The following HCN1 variants were observed in gnomAD, a reference collection of about 807,000 sequenced individuals.
HCN1 encodes the protein potassium/sodium hyperpolarization-activated cyclic nucleotide-gated channel 1.
A neutral mutation model predicts 78.9 loss-of-function variants in HCN1; 13 were observed. The ratio of observed to expected loss-of-function variants is 0.16; its 90% CI spans 0.11 to 0.26. The LOEUF (loss-of-function observed/expected upper bound fraction) is 0.26. HCN1 is among the 10% of genes least tolerant of loss of function. The pLI, the probability that HCN1 is intolerant of heterozygous loss-of-function variation, is 1.00. For synonymous variants in HCN1, 552 were observed against 455.5 expected (o/e 1.21, Z -2.70); for missense variants, 810 against 1,154.3 (o/e 0.70, Z 4.32).
At chr5:45,590,454 T>C (rs953038112) in intron 2 of HCN1, among the ~76,000 whole-genome samples, 1 of 152,210 alleles carries the variant, frequency 6.6e-6, no homozygotes. Context: ...ATTTCATAGA[T>C]TGTGGCTTTG....
At chr5:45,316,650 T>C (rs1401281798) in intron 5 of HCN1, among the ~76,000 whole-genome samples, 1 of 152,178 alleles carries the variant, frequency 6.6e-6, no homozygotes, top group Admixed American at 6.5e-5. Flanking sequence ...GACATGACTG[T>C]ATATTTAGAA....
intron 2 of HCN1, among the ~76,000 whole-genome samples, chr5:45,564,310 G>A (rs1156690148): frequency 6.6e-6 from 1 of 151,678 alleles, no homozygotes; most frequent in African/African-American, 2.4e-5. Context: ...ACCCAGGTTG[G>A]AGTGCAGTGG....
At chr5:45,473,508 T>G (rs1741449619) in intron 2 of HCN1, among the ~76,000 whole-genome samples, 1 of 151,852 alleles carries the variant, frequency 6.6e-6, no homozygotes, top group Admixed American at 6.6e-5. Flanking sequence ...TGGTGCATGA[T>G]GTGTCTCTTT....
chr5:45,570,600 C>T (rs759722231), intron 2 of HCN1, among the ~76,000 whole-genome samples: 1 of 152,100 alleles, frequency 6.6e-6, no homozygotes, highest in Non-Finnish European at 1.5e-5. Flanking sequence ...AAACATTACT[C>T]AGATCATTTG....
chr5:45,394,364 C>A (rs1739643284), intron 4 of HCN1, among the ~76,000 whole-genome samples: 2 of 151,788 alleles, frequency 1.3e-5, no homozygotes, highest in African/African-American at 4.8e-5. Context: ...GGGTCCTGCC[C>A]AAGAGTGCCT....
At chr5:45,546,442 G>A (rs1743230218) in intron 2 of HCN1, among the ~76,000 whole-genome samples, 1 of 151,520 alleles carries the variant, frequency 6.6e-6, no homozygotes, top group African/African-American at 2.4e-5. Flanking sequence ...CCAAATTCTG[G>A]ACCATTTAGA....
chr5:45,306,988 A>C (rs1745747788), intron 5 of HCN1, among the ~76,000 whole-genome samples: 1 of 152,072 alleles, frequency 6.6e-6, no homozygotes, highest in Admixed American at 6.6e-5. Flanking sequence ...AAGTATGTAC[A>C]TGGTAAAAAC....
At chr5:45,542,284 T>C (rs1743121064) in intron 2 of HCN1, among the ~76,000 whole-genome samples, 1 of 152,150 alleles carries the variant, frequency 6.6e-6, no homozygotes, top group Non-Finnish European at 1.5e-5. Flanking sequence ...TTCTATAGTA[T>C]TCATAATGCT....
chr5:45,318,170 G>A (rs1384539680), intron 5 of HCN1, among the ~76,000 whole-genome samples: 1 of 152,090 alleles, frequency 6.6e-6, no homozygotes, highest in African/African-American at 2.4e-5. Context: ...CAACCCAAAC[G>A]TCCATCAATG....
chr5:45,304,675 A>C (rs1314281949), intron 5 of HCN1, among the ~76,000 whole-genome samples: 1 of 152,122 alleles, frequency 6.6e-6, no homozygotes, highest in Non-Finnish European at 1.5e-5. Context: ...ACTCTGTCTC[A>C]AAAAGATTAA....
chr5:45,549,707 G>C (rs1743319183), intron 2 of HCN1, among the ~76,000 whole-genome samples: 1 of 152,070 alleles, frequency 6.6e-6, no homozygotes, highest in Non-Finnish European at 1.5e-5. Flanking sequence ...AGAGTGAACA[G>C]GCAACCTACA....
intron 2 of HCN1, among the ~76,000 whole-genome samples, chr5:45,562,936 C>A (rs1743634630): frequency 1.3e-5 from 2 of 152,088 alleles, no homozygotes; most frequent in Admixed American, 1.3e-4. Flanking sequence ...CCATTTAAAA[C>A]TAGAACTTGA....
chr5:45,535,878 G>A (rs1024538613), intron 2 of HCN1, among the ~76,000 whole-genome samples: 3 of 151,970 alleles, frequency 2.0e-5, no homozygotes, highest in African/African-American at 7.3e-5. Context: ...TCAATGTCTT[G>A]TAACAAGGGT....
At chr5:45,276,200 GCTCT>G (rs1745053743) in intron 6 of HCN1, among the ~76,000 whole-genome samples, 1 of 151,958 alleles carries the variant, frequency 6.6e-6, no homozygotes, top group African/African-American at 2.4e-5. Context: ...TTCCCTTGAT[GCTCT>G]CTCTTTCTCA....
At chr5:45,661,489 C>A (rs1337743623) in intron 1 of HCN1, among the ~76,000 whole-genome samples, 1 of 114,072 alleles carries the variant, frequency 8.8e-6, no homozygotes, top group Admixed American at 9.3e-5. Context: ...ACACAAAAAA[C>A]CCTTCAAAAA....
At chr5:45,358,133 A>T (rs1415252689) in intron 4 of HCN1, among the ~76,000 whole-genome samples, 3 of 152,078 alleles carry the variant, frequency 2.0e-5, no homozygotes, top group Non-Finnish European at 4.4e-5. Flanking sequence ...ACCCGATCTT[A>T]GGTTTTCCTT....
At chr5:45,306,241 T>A (rs773105080) in intron 5 of HCN1, among the ~76,000 whole-genome samples, 1 of 152,102 alleles carries the variant, frequency 6.6e-6, no homozygotes, top group Non-Finnish European at 1.5e-5. Context: ...AATCCCTTCA[T>A]CTTTGTACCT....
At chr5:45,561,486 T>C (rs1743601912) in intron 2 of HCN1, among the ~76,000 whole-genome samples, 1 of 151,930 alleles carries the variant, frequency 6.6e-6, no homozygotes, top group African/African-American at 2.4e-5. Flanking sequence ...AGACTTTTAG[T>C]GGGTAGCAAA....
In HCN1 at chr5:45,303,763, G is replaced by A; in HGVS notation, c.1454C>T (p.Thr485Ile). Residue 485 changes from threonine to isoleucine, a missense_variant, in exon 6 of 8, where the codon ACT becomes ATT. Physicochemically the swap from Thr to Ile is moderately conservative, Grantham distance 89. Transcript: ENST00000303230. Reference protein sequence around the residue: ...LFANADPNFVTAMLSKLRFEV... With the variant: ...LFANADPNFVIAMLSKLRFEV... Reference sequence around the variant, plus strand: ...AAATCTCAACTTGCTCAGCATGGCAGTCACAAAATTAGGATCCGCATTAGC... The same window carrying A: ...AAATCTCAACTTGCTCAGCATGGCAATCACAAAATTAGGATCCGCATTAGC... 6.2e-7 allele frequency: 1 copy of A among 1,613,684 alleles called. No homozygotes were observed. The highest frequency in any genetic ancestry group is 1.1e-5 in the South Asian group (1 of 91,080).
Sources: gnomAD v4.1 joint callset for allele counts (sites outside exome capture counted in the v4.1 genomes callset) on GRCh38, gnomAD v4.1.1 for gene constraint, MANE v1.5 for transcripts, NCBI Gene and HGNC (gene_info 2026-07-23, HGNC 2026-07-21) for gene names.